Variants in C2CD5 observed in about 807,000 individuals in gnomAD.
The protein encoded by C2CD5 is C2 calcium dependent domain containing 5.
A neutral mutation model predicts 130.3 loss-of-function variants in C2CD5; 109 were observed. The observed-to-expected ratio is 0.84, with a 90% CI of 0.72 to 0.98. The LOEUF (loss-of-function observed/expected upper bound fraction) is 0.98. Ranked by LOEUF, C2CD5 falls within the 50% of genes least tolerant of loss-of-function variation. The pLI is 0.00. For missense variants in C2CD5, 996 were observed against 1,261.8 expected (o/e 0.79, Z 3.19); for synonymous variants, 454 against 429.2 (o/e 1.06, Z -0.71).
At chr12:22,543,987 T>G in intron 2 of C2CD5, 74 bp downstream of exon 2, 1 of 1,142,306 alleles carries the variant, frequency 8.8e-7, no homozygotes, top group Admixed American at 1.8e-5. Flanking sequence ...GCTGAGGGGC[T>G]GGGGGCGAGG....
chr12:22,540,872 T>C (rs893732323), intron 2 of C2CD5, among the ~76,000 whole-genome samples: 1 of 152,038 alleles, frequency 6.6e-6, no homozygotes, highest in Non-Finnish European at 1.5e-5. Flanking sequence ...AAAATAATAA[T>C]GATAACAACA....
intron 2 of C2CD5, among the ~76,000 whole-genome samples, chr12:22,542,898 T>C (rs769690873): frequency 2.0e-5 from 3 of 152,252 alleles, no homozygotes; most frequent in Non-Finnish European, 2.9e-5. Context: ...TTCAACACGT[T>C]ACCTATTAGT....
At position 22,454,035 on chromosome 12, in the gene C2CD5, C is replaced by T; in HGVS notation, c.2885G>A (p.Gly962Glu). Residue 962 changes from glycine (G) to glutamate (E), a missense_variant, in exon 26 of 27, where the codon GGA (glycine) becomes GAA (glutamate). By Grantham distance (98) the Gly-to-Glu change is moderately conservative. Transcript: ENST00000446597. The part of the protein sequence containing the change: ...RETTSLREEG[G>E]VSGFLHAFIA... ...AAAAGCATGGAGAAAACCACTGACTCCTCCTTCCTAAATAATAGTGCACAG... is the reference window on the plus strand; with the variant it reads ...AAAAGCATGGAGAAAACCACTGACTTCTCCTTCCTAAATAATAGTGCACAG... 6.2e-7 allele frequency: 1 copy of T among 1,613,074 alleles called. No homozygotes were observed. The highest frequency in any genetic ancestry group is 8.5e-7 in the Non-Finnish European group (1 of 1,179,328).
At chr12:22,530,255 A>G (rs1011213516) in intron 3 of C2CD5, among the ~76,000 whole-genome samples, 1 of 147,296 alleles carries the variant, frequency 6.8e-6, no homozygotes, top group African/African-American at 2.6e-5. Context: ...TATACATACA[A>G]CTGTGTATAT....
At chr12:22,491,145 G>A (rs1946294829) in intron 11 of C2CD5, among the ~76,000 whole-genome samples, 2 of 152,150 alleles carry the variant, frequency 1.3e-5, no homozygotes, top group African/African-American at 4.8e-5. Flanking sequence ...GAAAAGATTA[G>A]TTAAAATTTA....
Position 22,449,766 on chromosome 12 carries a change from T to TG in C2CD5, c.3149dup (p.Thr1051AsnfsTer12). 1 of 1,588,414 alleles carries TG rather than the reference T, an allele frequency of 6.3e-7. No homozygotes were observed. The highest frequency in any genetic ancestry group is 8.6e-7 in the Non-Finnish European group (1 of 1,160,708). ...TCTTTTTTCCTAATTTTCCTCAGGT[T>TG]GTAACTTCGCCTTCAGTACATGATG... On this transcript the variant is annotated frameshift_variant, in exon 27 of 27. Transcript: ENST00000446597. LOFTEE classifies it high-confidence loss of function.
At chr12:22,464,791 A>C (rs1414457584) in intron 22 of C2CD5, among the ~76,000 whole-genome samples, 1 of 152,198 alleles carries the variant, frequency 6.6e-6, no homozygotes, top group East Asian at 1.9e-4. Flanking sequence ...ATGGACTATT[A>C]ATATATAAAA....
At chr12:22,486,122 T>C (rs16925009) in intron 12 of C2CD5, among the ~76,000 whole-genome samples, 2,582 of 151,714 alleles carry the variant, frequency 0.017, 74 homozygotes, top group African/African-American at 0.059. Context: ...GTGAGAATCC[T>C]GTACTTAGGA....
chr12:22,505,938 A>T (rs1463181834), intron 10 of C2CD5, among the ~76,000 whole-genome samples: 2 of 152,034 alleles, frequency 1.3e-5, no homozygotes, highest in East Asian at 1.9e-4. Flanking sequence ...GGATTCCACC[A>T]ATGACAGAGT....
Position 22,497,069 on chromosome 12 carries a change from C to CT in C2CD5, c.1148-3733dup, listed in dbSNP as rs1947110705. On this transcript the variant is annotated intron_variant, in intron 10 of 26. Coordinates refer to ENST00000446597, the MANE Select transcript of C2CD5 (RefSeq NM_001286176.2). ...AATATGCTCTTATTAAACTCAACCT[C>CT]TTTGAGATTTTAGGCTATCATACAC... 3.9e-5 allele frequency among the ~76,000 whole-genome samples: 6 copies of CT among 152,194 alleles called. 1 individual carries two copies. In the South Asian group the frequency reaches 1.0e-3, roughly 26 times the overall value.
chr12:22,463,892 A>G (rs1002055903), intron 22 of C2CD5: 6 of 152,174 alleles, frequency 3.9e-5, no homozygotes, highest in Non-Finnish European at 7.4e-5. Context: ...ATTATAATTT[A>G]TGTTTTATTT....
At chr12:22,472,241 A>G (rs1230067419) in intron 18 of C2CD5, 45 bp downstream of exon 18, 1 of 1,161,300 alleles carries the variant, frequency 8.6e-7, no homozygotes, top group Non-Finnish European at 1.2e-6. Flanking sequence ...ACTTACTAAA[A>G]TAACTTATGT....
chr12:22,526,099 T>C (rs12320108), intron 4 of C2CD5, among the ~76,000 whole-genome samples: 5,902 of 152,314 alleles, frequency 0.039, 384 homozygotes, highest in African/African-American at 0.13. Flanking sequence ...CTGTAATGTG[T>C]TGATCATAAT....
At position 22,513,241 on chromosome 12, in the gene C2CD5, A is replaced by G. The variant is rs1337206167; in HGVS notation, c.1038+53T>C. 1.0e-5 allele frequency: 13 copies of G among 1,240,918 alleles called. No individual in the cohort carries two copies. The East Asian group carries it at 2.3e-4, about 22-fold the overall frequency. 76.9% of individuals were successfully genotyped at this position (1,240,918 alleles called of 1,614,324 possible). On this transcript the variant is annotated intron_variant, in intron 9 of 26. Coordinates refer to ENST00000446597, the MANE Select transcript of C2CD5 (RefSeq NM_001286176.2). ...ACATGCAAGTACATGGAAGCATAAG[A>G]TAACAAAGTCATATTAACAGTGTAA...
At chr12:22,519,193 T>G in intron 7 of C2CD5, 1 of 1,535,886 alleles carries the variant, frequency 6.5e-7, no homozygotes. Context: ...ATTGGGCTGT[T>G]GTGAGTCGAG....
intron 2 of C2CD5, among the ~76,000 whole-genome samples, chr12:22,539,438 T>C (rs938146990): frequency 6.6e-6 from 1 of 151,980 alleles, no homozygotes; most frequent in African/African-American, 2.4e-5. Context: ...TCATCCTGTT[T>C]CTCTCCCTTC....
chr12:22,543,986 C>CT (rs1952681785), intron 2 of C2CD5, 75 bp downstream of exon 2: 5 of 1,138,552 alleles, frequency 4.4e-6, no homozygotes, highest in Non-Finnish European at 6.6e-6. Flanking sequence ...GGCTGAGGGG[C>CT]TGGGGGCGAG....
intron 6 of C2CD5, among the ~76,000 whole-genome samples, chr12:22,523,915 A>T: frequency 6.6e-6 from 1 of 152,010 alleles, no homozygotes; most frequent in Non-Finnish European, 1.5e-5. Context: ...TGTGTGAAAT[A>T]CATGTATGAA....
At position 22,544,178 on chromosome 12, in the gene C2CD5, T is replaced by C. The variant is rs1347327477; in HGVS notation, c.-28A>G. The C allele has an allele frequency of 1.2e-6, 2 of 1,608,026 alleles. No homozygotes were observed. The highest frequency in any genetic ancestry group is 1.7e-6 in the Non-Finnish European group (2 of 1,174,788). ...TCTCGGTTTCGGCCTCTTCTTGGGCTCCTGCAGAAACAAACAAACGAGTCT... is the reference window on the plus strand; with the variant it reads ...TCTCGGTTTCGGCCTCTTCTTGGGCCCCTGCAGAAACAAACAAACGAGTCT... On this transcript the variant is annotated splice_region_variant and 5_prime_UTR_variant, in exon 2 of 27. Transcript: ENST00000446597.
Sources: gnomAD v4.1 joint callset for allele counts (sites outside exome capture counted in the v4.1 genomes callset) on GRCh38, gnomAD v4.1.1 for gene constraint, MANE v1.5 for transcripts, NCBI Gene and HGNC (gene_info 2026-07-23, HGNC 2026-07-21) for gene names.